SLIT3: variants seen among roughly 807,000 people sequenced by gnomAD.
SLIT3 encodes slit guidance ligand 3, also known as slit homolog 3 protein.
Under a neutral mutation model 184.0 loss-of-function variants are expected in SLIT3, and 68 were observed. The observed-to-expected ratio is 0.37, with a 90% CI of 0.30 to 0.45. The LOEUF (loss-of-function observed/expected upper bound fraction) is 0.45. Ranked by LOEUF, SLIT3 falls within the 20% of genes least tolerant of loss-of-function variation. The pLI, the probability that SLIT3 is intolerant of heterozygous loss-of-function variation, is 1.00. For missense variants in SLIT3, 1,707 were observed against 2,026.0 expected, an observed-to-expected ratio of 0.84 and a Z score of 3.02; for synonymous variants, 831 against 828.6, an observed-to-expected ratio of 1.00 and a Z score of -0.05.
chr5:168,722,464 A>G, intron 22 of SLIT3, 137 bp from the exon 23 acceptor site: 1 of 723,116 alleles, frequency 1.4e-6, no homozygotes. Flanking sequence ...CCCTAAAGGG[A>G]CAAGAAACCT....
Position 168,688,624 on chromosome 5 carries a change from T to C in SLIT3, c.3177-1508A>G, listed in dbSNP as rs149000821. On this transcript the variant is annotated intron_variant, in intron 29 of 35. Coordinates refer to ENST00000519560, the MANE Select transcript of SLIT3 (RefSeq NM_003062.4). ...ACTGGCCTATGCTCAAAAATTGAAA[T>C]CCGCTAAGATCTGACCAATTCACGT... Among the ~76,000 whole-genome samples the C allele has an allele frequency of 9.8e-5, 15 of 152,338 alleles. No individual in the cohort carries two copies. The East Asian group carries it at 2.3e-3, about 23-fold the overall frequency.
intron 3 of SLIT3, among the ~76,000 whole-genome samples, chr5:169,216,957 A>G (rs751774660): frequency 6.6e-6 from 1 of 152,018 alleles, no homozygotes. Flanking sequence ...AAAAGACAAG[A>G]GAAAGAATGT....
chr5:168,880,508 C>T (rs889128800), intron 5 of SLIT3, among the ~76,000 whole-genome samples: 3 of 152,228 alleles, frequency 2.0e-5, no homozygotes, highest in African/African-American at 7.2e-5. Context: ...ACCATTCAGG[C>T]CCAGCTACAG....
chr5:169,059,806 TG>T, intron 4 of SLIT3, among the ~76,000 whole-genome samples: 1 of 152,358 alleles, frequency 6.6e-6, no homozygotes, highest in Middle Eastern at 3.4e-3. Flanking sequence ...TCCATTTGGC[TG>T]GGGCTATGGT....
chr5:168,916,420 C>A lies in SLIT3; in HGVS notation c.414-33084G>T, dbSNP rs538032620. Among the ~76,000 whole-genome samples, 436 of 152,346 alleles carry A rather than the reference C, an allele frequency of 2.9e-3. 1 individual carries two copies. The highest frequency in any genetic ancestry group is 0.01 in the African/African-American group (423 of 41,590). On this transcript the variant is annotated intron_variant, in intron 4 of 35. Coordinates refer to ENST00000519560, the MANE Select transcript of SLIT3 (RefSeq NM_003062.4). ...CAGAGCTGCTGCTGAGGCATCAGGA[C>A]CCAGAGAAGACAGGTCCCAGCCAAG... is the stretch of plus-strand genomic sequence containing the variant.
intron 3 of SLIT3, among the ~76,000 whole-genome samples, chr5:169,206,187 G>A (rs1186509680): frequency 1.3e-5 from 2 of 152,188 alleles, no homozygotes; most frequent in African/African-American, 4.8e-5. Flanking sequence ...GCAAAAGCAC[G>A]CTCCATCAAG....
intron 30 of SLIT3, 56 bp downstream of exon 30, chr5:168,686,923 C>T (rs866168694): frequency 6.3e-7 from 1 of 1,595,748 alleles, no homozygotes; most frequent in Middle Eastern, 2.0e-4. Context: ...CAGTCAGCCC[C>T]AGCCCCTGCC....
intron 12 of SLIT3, among the ~76,000 whole-genome samples, chr5:168,781,640 C>A (rs1755975489): frequency 6.6e-6 from 1 of 152,148 alleles, no homozygotes; most frequent in South Asian, 2.1e-4. Context: ...GAGAAAGTTC[C>A]ATGGACACAG....
chr5:168,673,748 G>A (rs60298966), intron 32 of SLIT3, among the ~76,000 whole-genome samples: 6,480 of 152,224 alleles, frequency 0.043, 461 homozygotes, highest in African/African-American at 0.15. Flanking sequence ...CTGTATTCCA[G>A]TTCTGCATTG....
intron 20 of SLIT3, among the ~76,000 whole-genome samples, chr5:168,725,987 G>T (rs1045820273): frequency 6.6e-6 from 1 of 152,132 alleles, no homozygotes; most frequent in Admixed American, 6.5e-5. Flanking sequence ...ATGGCACAGG[G>T]TGCTGGACTG....
At chr5:169,133,449 A>G (rs2431152) in intron 4 of SLIT3, among the ~76,000 whole-genome samples, 124,763 of 152,250 alleles carry the variant, frequency 0.82, 51,318 homozygotes, top group East Asian at 1. Flanking sequence ...AGCCATGGGA[A>G]TTGGCTTGCC....
intron 4 of SLIT3, among the ~76,000 whole-genome samples, chr5:169,131,784 G>C (rs1410691098): frequency 6.6e-6 from 1 of 152,168 alleles, no homozygotes; most frequent in African/African-American, 2.4e-5. Context: ...TACAATTGAG[G>C]CTGTAAAGCA....
At position 169,295,236 on chromosome 5, in the gene SLIT3, C is replaced by A. The variant is rs543023330; in HGVS notation, c.197+5277G>T. Among the ~76,000 whole-genome samples the A allele has an allele frequency of 2.6e-5, 4 of 152,348 alleles. No individual in the cohort carries two copies. In the South Asian group the frequency reaches 8.3e-4, roughly 32 times the overall value. ...CGTCCTCTATGTTGTCCACTGTTGA[C>A]CAGAATGTCATTTTAGGTAACACAT... On this transcript the variant is annotated intron_variant, in intron 1 of 35. Coordinates refer to ENST00000519560, the MANE Select transcript of SLIT3 (RefSeq NM_003062.4).
intron 3 of SLIT3, among the ~76,000 whole-genome samples, chr5:169,235,067 C>A (rs1201550043): frequency 6.6e-6 from 1 of 152,158 alleles, no homozygotes; most frequent in East Asian, 1.9e-4. Context: ...TTCTAATCAT[C>A]TTTTAAGAAC....
intron 4 of SLIT3, among the ~76,000 whole-genome samples, chr5:168,887,784 G>GCAC (rs893125950): frequency 6.6e-6 from 1 of 152,100 alleles, no homozygotes; most frequent in Non-Finnish European, 1.5e-5. Context: ...AACACCGTAG[G>GCAC]CACTCAATGA....
At chr5:168,815,620 G>T (rs1244967040) in intron 8 of SLIT3, among the ~76,000 whole-genome samples, 1 of 152,202 alleles carries the variant, frequency 6.6e-6, no homozygotes, top group Non-Finnish European at 1.5e-5. Context: ...GTGTCTATAG[G>T]AAGTTATTGA....
At chr5:169,223,525 C>T (rs1483859614) in intron 3 of SLIT3, among the ~76,000 whole-genome samples, 1 of 152,156 alleles carries the variant, frequency 6.6e-6, no homozygotes, top group African/African-American at 2.4e-5. Context: ...AGGACTCCTA[C>T]CTGATGGGAT....
chr5:168,727,404 A>G (rs1763166139), intron 20 of SLIT3, among the ~76,000 whole-genome samples: 1 of 152,324 alleles, frequency 6.6e-6, no homozygotes, highest in African/African-American at 2.4e-5. Context: ...GAAAAGGGTG[A>G]AGACTTGGAA....
intron 3 of SLIT3, among the ~76,000 whole-genome samples, chr5:169,239,434 C>T (rs1765317660): frequency 6.6e-6 from 1 of 151,964 alleles, no homozygotes. Context: ...GAATTTATTG[C>T]TAAAGCCATC....
Sources: allele counts gnomAD v4.1 joint callset (sites outside exome capture counted in the v4.1 genomes callset), GRCh38; gene constraint gnomAD v4.1.1; transcripts MANE v1.5; gene names NCBI Gene and HGNC (gene_info 2026-07-23, HGNC 2026-07-21).